The following STARD13 variants were observed in gnomAD, a reference collection of about 807,000 sequenced individuals.
STARD13 encodes the protein stAR-related lipid transfer protein 13.
Under a neutral mutation model 106.4 loss-of-function variants are expected in STARD13, and 62 were observed. The ratio of observed to expected loss-of-function variants is 0.58; its 90% CI spans 0.48 to 0.72. STARD13 has a LOEUF of 0.72. STARD13 is among the 30% of genes least tolerant of loss of function. STARD13 has a pLI of 0.00. For synonymous variants in STARD13, 565 were observed against 553.0 expected, an observed-to-expected ratio of 1.02 and a Z score of -0.31; for missense variants, 1,387 against 1,424.0, an observed-to-expected ratio of 0.97 and a Z score of 0.42.
At chr13:33,323,133 G>T (rs76601917) in intron 1 of STARD13, among the ~76,000 whole-genome samples, 2 of 152,274 alleles carry the variant, frequency 1.3e-5, no homozygotes, top group East Asian at 3.9e-4. Flanking sequence ...GCCCCTACCA[G>T]GGTTGTGCCA....
intron 3 of STARD13, chr13:33,155,576 C>T (rs1450035483): frequency 1.3e-5 from 2 of 152,114 alleles, no homozygotes; most frequent in Non-Finnish European, 2.9e-5. Flanking sequence ...CACATTCTTC[C>T]TGAAAGCTTA....
chr13:33,176,926 A>G (rs1884577918), intron 1 of STARD13, among the ~76,000 whole-genome samples: 1 of 152,264 alleles, frequency 6.6e-6, no homozygotes, highest in Non-Finnish European at 1.5e-5. Context: ...TTAAAATTGT[A>G]TAGCAGATAA....
chr13:33,474,575 T>A, the STARD13 span, among the ~76,000 whole-genome samples: 3 of 152,232 alleles, frequency 2.0e-5, no homozygotes, highest in African/African-American at 7.2e-5. Context: ...CAAGTTCATG[T>A]GACTTGAGTA....
the STARD13 span, among the ~76,000 whole-genome samples, chr13:33,381,280 A>T: frequency 6.6e-6 from 1 of 152,042 alleles, no homozygotes. Flanking sequence ...TAACCATTGA[A>T]TTTTTTTGCT....
At chr13:33,224,681 C>A (rs1171506453) in intron 1 of STARD13, among the ~76,000 whole-genome samples, 1 of 152,150 alleles carries the variant, frequency 6.6e-6, no homozygotes, top group Non-Finnish European at 1.5e-5. Flanking sequence ...TCACCACATG[C>A]CAAAAAGAGT....
chr13:33,659,038 C>T, the STARD13 span, among the ~76,000 whole-genome samples: 5 of 152,084 alleles, frequency 3.3e-5, no homozygotes, highest in African/African-American at 1.2e-4. Context: ...CCCCCTTCCT[C>T]ATATCCCTAT....
chr13:33,512,472 T>G, the STARD13 span, among the ~76,000 whole-genome samples: 1 of 151,982 alleles, frequency 6.6e-6, no homozygotes. Context: ...TTCACTCTTT[T>G]TTTCTTTTTT....
intron 1 of STARD13, among the ~76,000 whole-genome samples, chr13:33,283,769 T>C (rs1891920704): frequency 6.6e-6 from 1 of 152,202 alleles, no homozygotes; most frequent in African/African-American, 2.4e-5. Context: ...AGGGTGCCCA[T>C]ATGTCTGTGT....
chr13:33,400,431 T>C, the STARD13 span, among the ~76,000 whole-genome samples: 4 of 152,056 alleles, frequency 2.6e-5, no homozygotes, highest in Non-Finnish European at 5.9e-5. Flanking sequence ...AACACTGCAA[T>C]GAACATGGGG....
At chr13:33,156,783 C>G (rs1158416681) in intron 3 of STARD13, among the ~76,000 whole-genome samples, 1 of 152,020 alleles carries the variant, frequency 6.6e-6, no homozygotes, top group Admixed American at 6.6e-5. Flanking sequence ...AAATGCAGTG[C>G]CTGGTATATA....
chr13:33,423,379 C>A, the STARD13 span, among the ~76,000 whole-genome samples: 4 of 152,162 alleles, frequency 2.6e-5, no homozygotes, highest in African/African-American at 9.7e-5. Flanking sequence ...AAATGCAAAT[C>A]AAAACCACAA....
At chr13:33,354,785 ATAAT>A (rs2078110194), upstream of STARD13, among the ~76,000 whole-genome samples, 1 of 151,820 alleles carries the variant, frequency 6.6e-6, no homozygotes, top group East Asian at 1.9e-4. Flanking sequence ...ATACATACTG[ATAAT>A]TATAGTTTTT....
the STARD13 span, among the ~76,000 whole-genome samples, chr13:33,365,145 AG>A: frequency 2.6e-5 from 4 of 152,108 alleles, no homozygotes; most frequent in African/African-American, 9.7e-5. Context: ...CTGAGCCTCA[AG>A]CAGTAAAGGT....
At chr13:33,231,114 CTGAG>C (rs1411603118) in intron 1 of STARD13, among the ~76,000 whole-genome samples, 1 of 152,208 alleles carries the variant, frequency 6.6e-6, no homozygotes, top group Non-Finnish European at 1.5e-5. Flanking sequence ...CCTCAGTTGG[CTGAG>C]TGAGTGATAA....
intron 1 of STARD13, among the ~76,000 whole-genome samples, chr13:33,253,881 G>T (rs772236932): frequency 2.0e-5 from 3 of 152,204 alleles, no homozygotes; most frequent in Non-Finnish European, 4.4e-5. Context: ...GATGAGCAAT[G>T]AACAAAACAT....
At chr13:33,310,402 G>A (rs143427162) in intron 1 of STARD13, among the ~76,000 whole-genome samples, 1 of 152,226 alleles carries the variant, frequency 6.6e-6, no homozygotes, top group Non-Finnish European at 1.5e-5. Flanking sequence ...CACAACTCTA[G>A]GCTGTAATTC....
chr13:33,237,115 T>C (rs2764623), intron 1 of STARD13, among the ~76,000 whole-genome samples: 98,342 of 151,978 alleles, frequency 0.65, 32,253 homozygotes, highest in Middle Eastern at 0.72. Flanking sequence ...TCTACAATCT[T>C]GTCCATGTCA....
intron 1 of STARD13, among the ~76,000 whole-genome samples, chr13:33,226,780 C>T (rs765818319): frequency 2.6e-5 from 4 of 152,112 alleles, no homozygotes; most frequent in African/African-American, 4.8e-5. Flanking sequence ...CATAAACAGA[C>T]AATTGGACAA....
At chr13:33,134,246 TA>T (rs1196886732) in intron 4 of STARD13, among the ~76,000 whole-genome samples, 1 of 152,142 alleles carries the variant, frequency 6.6e-6, no homozygotes, top group Non-Finnish European at 1.5e-5. Flanking sequence ...GGGCCACACA[TA>T]AAACACACTA....
Sources: gnomAD v4.1 joint callset for allele counts (sites outside exome capture counted in the v4.1 genomes callset) on GRCh38, gnomAD v4.1.1 for gene constraint, MANE v1.5 for transcripts, NCBI Gene and HGNC (gene_info 2026-07-23, HGNC 2026-07-21) for gene names.